PARD3B: variants seen among roughly 807,000 people sequenced by gnomAD.
PARD3B encodes partitioning defective 3 homolog B.
PARD3B carries 103 observed loss-of-function variants against 130.2 expected under a neutral mutation model. That is an observed-to-expected ratio of 0.79 (90% CI 0.67 to 0.93). PARD3B has a LOEUF of 0.93. Among genes scored for constraint, PARD3B ranks in the 40% least tolerant of loss-of-function variants. The pLI, the probability that PARD3B is intolerant of heterozygous loss-of-function variation, is 0.00. For synonymous variants in PARD3B, 583 were observed against 553.2 expected (o/e 1.05, Z -0.76); for missense variants, 1,609 against 1,499.2 (o/e 1.07, Z -1.21).
rs1309669606 is a variant in PARD3B at position 205,116,759 on chromosome 2, AG to A, written c.681-2159del. Among the ~76,000 whole-genome samples the A allele has an allele frequency of 6.6e-6, 1 of 152,188 alleles. No homozygotes were observed. The highest frequency in any genetic ancestry group is 6.5e-5 in the Admixed American group (1 of 15,274). ...GAGAGGGCAGAAGTGGTTTGTTGCC[AG>A]GGACCAAACTAATAAAATCAGTCAG... On this transcript the variant is annotated intron_variant, in intron 6 of 22. Coordinates refer to ENST00000406610, the MANE Select transcript of PARD3B (RefSeq NM_001302769.2). This position sits in a 1 kb window ranked among gnomAD's most constrained non-coding sequence, Gnocchi z 4.5.
intron 22 of PARD3B, among the ~76,000 whole-genome samples, chr2:205,566,452 G>A (rs1559223467): frequency 6.6e-6 from 1 of 152,114 alleles, no homozygotes; most frequent in African/African-American, 2.4e-5. Context: ...TGCATGTGGG[G>A]GTTTGAAGGG....
chr2:205,449,991 C>T (rs761554998), intron 20 of PARD3B, among the ~76,000 whole-genome samples: 1 of 152,158 alleles, frequency 6.6e-6, no homozygotes, highest in Non-Finnish European at 1.5e-5. Context: ...AGACCTGAGA[C>T]TATAGATTTA....
At chr2:205,368,691 A>C (rs1355590524) in intron 18 of PARD3B, among the ~76,000 whole-genome samples, 2 of 152,150 alleles carry the variant, frequency 1.3e-5, no homozygotes, top group East Asian at 3.9e-4. Context: ...CCCTATTGGC[A>C]GGTACAAAAC....
intron 1 of PARD3B, among the ~76,000 whole-genome samples, chr2:204,563,396 G>C (rs1574467593): frequency 6.6e-6 from 1 of 151,902 alleles, no homozygotes; most frequent in East Asian, 1.9e-4. Flanking sequence ...GGTATGGGTG[G>C]GGGGGACTGG....
rs1176654100 is a variant in PARD3B, at chr2:205,268,413, T to A, written c.2185+22591T>A. ...CACTGAACAAAAGAATTGTTAGAGG[T>A]TTGAGGTAAAAGATCGTGGCAGAAG... On this transcript the variant is annotated intron_variant, in intron 16 of 22. Coordinates refer to ENST00000406610, the MANE Select transcript of PARD3B (RefSeq NM_001302769.2). The surrounding 1 kb of genome is among the most constrained non-coding windows in gnomAD (Gnocchi z 4.1). Among the ~76,000 whole-genome samples, 1 of 152,018 alleles carries A rather than the reference T, an allele frequency of 6.6e-6. No homozygotes were observed. Among genetic ancestry groups the A allele is most frequent in the African/African-American group, 2.4e-5 (1 of 41,398 alleles).
intron 1 of PARD3B, among the ~76,000 whole-genome samples, chr2:204,614,308 A>G (rs2034031708): frequency 6.6e-6 from 1 of 151,678 alleles, no homozygotes; most frequent in Non-Finnish European, 1.5e-5. Context: ...ATCGAGCAAT[A>G]TTACATTTTT....
intron 18 of PARD3B, among the ~76,000 whole-genome samples, chr2:205,315,870 T>C (rs2042546922): frequency 6.6e-6 from 1 of 152,344 alleles, no homozygotes; most frequent in African/African-American, 2.4e-5. Context: ...TGCATTTCTC[T>C]CCTTCCCATC....
chr2:204,730,080 TC>T (rs2039439330), intron 2 of PARD3B, among the ~76,000 whole-genome samples: 1 of 151,986 alleles, frequency 6.6e-6, no homozygotes, highest in Admixed American at 6.6e-5. Context: ...TTTCTTTCTT[TC>T]TTTTTTGAGA....
At chr2:205,136,814 A>G (rs1306235855) in intron 10 of PARD3B, among the ~76,000 whole-genome samples, 1 of 152,244 alleles carries the variant, frequency 6.6e-6, no homozygotes, top group Non-Finnish European at 1.5e-5. Flanking sequence ...GTTGATGTTC[A>G]GAAGAATTGC....
At position 204,702,669 on chromosome 2, in the gene PARD3B, G is replaced by C. The variant is rs2037949626; in HGVS notation, c.222+16387G>C. Among the ~76,000 whole-genome samples, 3 of 152,126 alleles carry C rather than the reference G, an allele frequency of 2.0e-5. No homozygotes were observed. In the South Asian group the frequency reaches 6.2e-4, roughly 32 times the overall value. On this transcript the variant is annotated intron_variant, in intron 2 of 22. Coordinates refer to ENST00000406610, the MANE Select transcript of PARD3B (RefSeq NM_001302769.2). The stretch of plus-strand genomic sequence containing the variant: ...GGCTCATTGCAACCTCTACCTCCTG[G>C]GTTCAAATGTTTCTCCTGCCTCAGC...
intron 19 of PARD3B, among the ~76,000 whole-genome samples, chr2:205,431,645 A>G (rs1033834451): frequency 1.3e-4 from 19 of 149,500 alleles, no homozygotes; most frequent in African/African-American, 4.4e-4. Context: ...AATTTTTTGT[A>G]TTTTTAGTAG....
At chr2:205,497,427 ATT>A (rs3077795) in intron 20 of PARD3B, among the ~76,000 whole-genome samples, 1,661 of 123,670 alleles carry the variant, frequency 0.013, 26 homozygotes, top group African/African-American at 0.044. Context: ...TTTACTCACC[ATT>A]TTTTTTTTTT....
intron 1 of PARD3B, among the ~76,000 whole-genome samples, chr2:204,637,250 C>T (rs1292480584): frequency 1.3e-5 from 2 of 152,076 alleles, no homozygotes; most frequent in Non-Finnish European, 2.9e-5. Flanking sequence ...ATATTTTATA[C>T]TCTGTAAAAG....
chr2:205,123,249 TC>T (rs2030973052), intron 8 of PARD3B, among the ~76,000 whole-genome samples: 1 of 152,202 alleles, frequency 6.6e-6, no homozygotes, highest in Admixed American at 6.5e-5. Context: ...TTACAGTGAT[TC>T]CTGAGGTTTT....
At chr2:204,746,555 A>G (rs578229561) in intron 2 of PARD3B, among the ~76,000 whole-genome samples, 391 of 152,272 alleles carry the variant, frequency 2.6e-3, no homozygotes, top group Non-Finnish European at 3.8e-3. Flanking sequence ...AAGAATTGCC[A>G]CACTGTCTTC....
chr2:205,121,498 T>C lies in PARD3B; in HGVS notation c.807-93T>C. On this transcript the variant is annotated intron_variant, in intron 7 of 22. Coordinates refer to ENST00000406610, the MANE Select transcript of PARD3B (RefSeq NM_001302769.2). The surrounding 1 kb of genome is among the most constrained non-coding windows in gnomAD (Gnocchi z 5.0). ...GATCGTGTCTCCTATGATTAGCCACTGTGCTGCTCTTGGTTGCCATCCTCC... is the reference window on the plus strand; with the variant it reads ...GATCGTGTCTCCTATGATTAGCCACCGTGCTGCTCTTGGTTGCCATCCTCC... The C allele has an allele frequency of 9.5e-7, 1 of 1,057,576 alleles. No homozygotes were observed. Among genetic ancestry groups the C allele is most frequent in the Non-Finnish European group, 1.4e-6 (1 of 709,764 alleles). The allele number at this position is 1,057,576 out of a possible 1,614,324, so 65.5% of individuals were successfully genotyped here. A position where few individuals can be genotyped will look rare whatever the true frequency, so the allele number is the denominator to read the frequency against.
chr2:205,153,739 C>A (rs1190307425), intron 10 of PARD3B, among the ~76,000 whole-genome samples: 1 of 152,124 alleles, frequency 6.6e-6, no homozygotes. Flanking sequence ...AGAAATAATA[C>A]CATACATCCG....
intron 3 of PARD3B, among the ~76,000 whole-genome samples, chr2:205,002,740 A>T (rs1396406245): frequency 6.6e-6 from 1 of 152,104 alleles, no homozygotes; most frequent in Non-Finnish European, 1.5e-5. Context: ...CCCCTGCTTC[A>T]TATCATCTAG....
chr2:205,446,334 C>T lies in PARD3B; in HGVS notation c.3044+5662C>T, dbSNP rs1411685259. On this transcript the variant is annotated intron_variant, in intron 20 of 22. Transcript: ENST00000406610. The surrounding 1 kb of genome is among the most constrained non-coding windows in gnomAD (Gnocchi z 4.4). ...GGGAAGAACTCACTGAGGGTTTTAA[C>T]GTGAGATATAATCCTGGAATTCAAT... 2.0e-5 allele frequency among the ~76,000 whole-genome samples: 3 copies of T among 152,036 alleles called. No individual in the cohort carries two copies. The highest frequency in any genetic ancestry group is 4.4e-5 in the Non-Finnish European group (3 of 68,010).
Sources: allele counts gnomAD v4.1 joint callset (sites outside exome capture counted in the v4.1 genomes callset), GRCh38; gene constraint gnomAD v4.1.1; non-coding constraint Gnocchi (gnomAD v3.1); transcripts MANE v1.5; gene names NCBI Gene and HGNC (gene_info 2026-07-23, HGNC 2026-07-21).